The following SHQ1 variants were observed in gnomAD, a reference collection of about 807,000 sequenced individuals.
SHQ1 encodes the protein protein SHQ1 homolog.
A neutral mutation model predicts 53.8 loss-of-function variants in SHQ1; 49 were observed. That is an observed-to-expected ratio of 0.91 (90% CI 0.72 to 1.16). The LOEUF is 1.16. Ranked by LOEUF, SHQ1 falls within the 50% of genes most tolerant of loss-of-function variation. SHQ1 has a pLI of 0.00. For synonymous variants in SHQ1, 243 were observed against 251.0 expected (o/e 0.97, Z 0.30); for missense variants, 738 against 683.1 (o/e 1.08, Z -0.90).
chr3:72,816,139 A>C (rs928946074), intron 7 of SHQ1, among the ~76,000 whole-genome samples: 1 of 152,198 alleles, frequency 6.6e-6, no homozygotes, highest in African/African-American at 2.4e-5. Context: ...AGAAATTTTC[A>C]GAATCATGAC....
chr3:72,728,372 C>T, the SHQ1 span, among the ~76,000 whole-genome samples: 5 of 152,300 alleles, frequency 3.3e-5, no homozygotes, highest in African/African-American at 9.6e-5. Context: ...CATGTGGGCT[C>T]GATTTCAGCC....
At chr3:72,830,305 T>A (rs1231202585) in intron 5 of SHQ1, among the ~76,000 whole-genome samples, 1 of 151,986 alleles carries the variant, frequency 6.6e-6, no homozygotes. Flanking sequence ...CCTGACAACA[T>A]GAGGAAACAC....
At chr3:72,830,016 A>C (rs1707776945) in intron 5 of SHQ1, among the ~76,000 whole-genome samples, 1 of 152,110 alleles carries the variant, frequency 6.6e-6, no homozygotes, top group African/African-American at 2.4e-5. Flanking sequence ...ATAATACCCC[A>C]AAGGAATTAC....
At chr3:72,780,860 G>C (rs955120027) in intron 10 of SHQ1, among the ~76,000 whole-genome samples, 4 of 152,050 alleles carry the variant, frequency 2.6e-5, no homozygotes, top group African/African-American at 9.7e-5. Context: ...CATGATATTA[G>C]AGGTGTATTC....
intron 2 of SHQ1, among the ~76,000 whole-genome samples, chr3:72,843,732 T>C (rs1559702823): frequency 6.6e-6 from 1 of 151,964 alleles, no homozygotes; most frequent in Non-Finnish European, 1.5e-5. Context: ...GTTAGATCTC[T>C]GTCATTTAAC....
intron 4 of SHQ1, among the ~76,000 whole-genome samples, chr3:72,837,922 T>C (rs1056031730): frequency 2.0e-5 from 3 of 151,946 alleles, no homozygotes; most frequent in African/African-American, 7.3e-5. Context: ...TTCAAGAGGA[T>C]ACATTTCAAT....
chr3:72,735,889 A>ATCTC, the SHQ1 span, among the ~76,000 whole-genome samples: 5 of 145,502 alleles, frequency 3.4e-5, no homozygotes, highest in South Asian at 4.4e-4. Context: ...AAATGTGTCA[A>ATCTC]TCTCTCTCTC....
At chr3:72,847,084 A>G (rs1257928477) in intron 1 of SHQ1, among the ~76,000 whole-genome samples, 1 of 152,218 alleles carries the variant, frequency 6.6e-6, no homozygotes, top group African/African-American at 2.4e-5. Context: ...TCCCCAGTGA[A>G]AAGTACATGA....
intron 9 of SHQ1, among the ~76,000 whole-genome samples, chr3:72,808,497 C>A (rs1324583882): frequency 6.6e-6 from 1 of 152,144 alleles, no homozygotes; most frequent in African/African-American, 2.4e-5. Flanking sequence ...ACTGACTTCA[C>A]TTCTTTGAGC....
intron 9 of SHQ1, among the ~76,000 whole-genome samples, chr3:72,800,466 C>A (rs1706754333): frequency 6.6e-6 from 1 of 152,210 alleles, no homozygotes; most frequent in Non-Finnish European, 1.5e-5. Flanking sequence ...TGGCCAAGAT[C>A]ACAGCTAGGA....
chr3:72,727,430 G>C, the SHQ1 span, among the ~76,000 whole-genome samples: 1 of 152,146 alleles, frequency 6.6e-6, no homozygotes, highest in Non-Finnish European at 1.5e-5. Context: ...AAGAAGCCAG[G>C]ACACGTGGAT....
chr3:72,797,139 C>A (rs374611626), intron 9 of SHQ1, among the ~76,000 whole-genome samples: 1 of 151,522 alleles, frequency 6.6e-6, no homozygotes, highest in Non-Finnish European at 1.5e-5. Flanking sequence ...GTGCCTGTAG[C>A]CCCAGCTACT....
At chr3:72,837,013 C>T (rs1708020809) in intron 4 of SHQ1, among the ~76,000 whole-genome samples, 2 of 152,152 alleles carry the variant, frequency 1.3e-5, no homozygotes, top group South Asian at 4.1e-4. Flanking sequence ...GCCAAAAGGA[C>T]AGGGCCAGCA....
chr3:72,765,557 A>ATTT (rs61074795), intron 10 of SHQ1, among the ~76,000 whole-genome samples: 51 of 57,170 alleles, frequency 8.9e-4, no homozygotes, highest in African/African-American at 2.5e-3. Flanking sequence ...ATATATATAT[A>ATTT]TTTTTTTTTT....
intron 10 of SHQ1, among the ~76,000 whole-genome samples, chr3:72,770,896 C>A (rs938121381): frequency 1.3e-5 from 2 of 152,188 alleles, no homozygotes; most frequent in Non-Finnish European, 2.9e-5. Flanking sequence ...CAAACTGATG[C>A]CATCCCTTGG....
At chr3:72,783,482 C>T (rs1197104463) in intron 10 of SHQ1, among the ~76,000 whole-genome samples, 1 of 151,358 alleles carries the variant, frequency 6.6e-6, no homozygotes, top group Non-Finnish European at 1.5e-5. Context: ...GCCATCATGC[C>T]CAGTTTTGCT....
At chr3:72,805,292 C>A (rs531596868) in intron 9 of SHQ1, among the ~76,000 whole-genome samples, 4 of 152,172 alleles carry the variant, frequency 2.6e-5, no homozygotes, top group African/African-American at 9.7e-5. Context: ...GTAATTCTTA[C>A]ATGTATTCCT....
downstream of SHQ1, among the ~76,000 whole-genome samples, chr3:72,747,312 A>C (rs1705274399): frequency 6.6e-6 from 1 of 152,220 alleles, no homozygotes; most frequent in Non-Finnish European, 1.5e-5. Flanking sequence ...TAAACTATTA[A>C]TGGAGAATTA....
chr3:72,769,197 C>T (rs981772298), intron 10 of SHQ1, among the ~76,000 whole-genome samples: 1 of 152,152 alleles, frequency 6.6e-6, no homozygotes, highest in African/African-American at 2.4e-5. Context: ...GACAGCTGGC[C>T]CCAGCTCTAG....
Sources: gnomAD v4.1 joint callset for allele counts (sites outside exome capture counted in the v4.1 genomes callset) on GRCh38, gnomAD v4.1.1 for gene constraint, MANE v1.5 for transcripts, NCBI Gene and HGNC (gene_info 2026-07-23, HGNC 2026-07-21) for gene names.